Variants in MAP2K5 observed in about 807,000 individuals in gnomAD.
MAP2K5 encodes dual specificity mitogen-activated protein kinase kinase 5.
In MAP2K5, 49 loss-of-function variants were observed where a neutral mutation model predicts 83.1. That is an observed-to-expected ratio of 0.59 (90% confidence interval 0.47 to 0.75). The LOEUF is 0.75. Among genes scored for constraint, MAP2K5 ranks in the 30% least tolerant of loss-of-function variants. The pLI is 0.00. For synonymous variants in MAP2K5, 202 were observed against 191.8 expected, an observed-to-expected ratio of 1.05 and a Z score of -0.44; for missense variants, 457 against 557.5, an observed-to-expected ratio of 0.82 and a Z score of 1.82.
chr15:67,581,496 T>C (rs1415100216), intron 4 of MAP2K5, among the ~76,000 whole-genome samples: 2 of 152,216 alleles, frequency 1.3e-5, no homozygotes, highest in Non-Finnish European at 2.9e-5. Context: ...AGTTTAATTA[T>C]ATAAACCATT....
intron 2 of MAP2K5, among the ~76,000 whole-genome samples, chr15:67,554,844 T>G (rs556449879): frequency 6.6e-6 from 1 of 152,344 alleles, no homozygotes; most frequent in Non-Finnish European, 1.5e-5. Flanking sequence ...TTATAAAATG[T>G]ATATGGTCTA....
intron 21 of MAP2K5, among the ~76,000 whole-genome samples, chr15:67,773,371 C>T (rs1395989025): frequency 6.6e-6 from 1 of 152,144 alleles, no homozygotes; most frequent in Non-Finnish European, 1.5e-5. Flanking sequence ...TTTGACAATG[C>T]ACAAGCTGTT....
intron 17 of MAP2K5, among the ~76,000 whole-genome samples, chr15:67,730,422 T>G (rs946395460): frequency 6.6e-6 from 1 of 152,208 alleles, no homozygotes; most frequent in Admixed American, 6.5e-5. Context: ...CTGGTTTGGT[T>G]TCTTTGAATC....
intron 2 of MAP2K5, among the ~76,000 whole-genome samples, chr15:67,554,269 A>G (rs1374665385): frequency 2.0e-5 from 3 of 152,144 alleles, no homozygotes; most frequent in Non-Finnish European, 2.9e-5. Context: ...ATGTTGCCCA[A>G]CCTGGTCTTG....
At chr15:67,627,960 G>A (rs1314466665) in intron 8 of MAP2K5, 5 of 776,836 alleles carry the variant, frequency 6.4e-6, no homozygotes, top group Non-Finnish European at 1.1e-5. Flanking sequence ...TTTAAGCAAT[G>A]GGGAACACTC....
chr15:67,603,912 T>C (rs1030259831), intron 8 of MAP2K5, among the ~76,000 whole-genome samples: 1 of 152,228 alleles, frequency 6.6e-6, no homozygotes, highest in African/African-American at 2.4e-5. Flanking sequence ...AACTGCCTAA[T>C]AGGCTTATTC....
chr15:67,630,670 A>G (rs972278369), intron 8 of MAP2K5, among the ~76,000 whole-genome samples: 2 of 152,270 alleles, frequency 1.3e-5, no homozygotes, highest in African/African-American at 4.8e-5. Flanking sequence ...ATAATGTATC[A>G]GTATTACCTC....
intron 13 of MAP2K5, among the ~76,000 whole-genome samples, chr15:67,687,282 T>C (rs1039905417): frequency 3.9e-5 from 6 of 152,190 alleles, no homozygotes; most frequent in Admixed American, 3.3e-4. Flanking sequence ...GTTCAATAAG[T>C]CTGGAGTAGA....
intron 3 of MAP2K5, among the ~76,000 whole-genome samples, chr15:67,566,332 G>A (rs552930189): frequency 2.6e-5 from 4 of 152,050 alleles, no homozygotes; most frequent in East Asian, 1.9e-4. Context: ...CCGCCACCAC[G>A]CACGGCTAAT....
chr15:67,795,222 A>G (rs2090585114), intron 21 of MAP2K5, among the ~76,000 whole-genome samples: 1 of 152,060 alleles, frequency 6.6e-6, no homozygotes. Context: ...GATCATCTTC[A>G]TGACATCTTT....
chr15:67,563,257 C>A lies in MAP2K5; in HGVS notation c.185-26C>A. On this transcript the variant is annotated intron_variant, in intron 2 of 21. Transcript: ENST00000178640. The surrounding 1 kb of genome is among the most constrained non-coding windows in gnomAD (Gnocchi z 4.5). ...TGCATTAAACAAATGCACACCTTAT[C>A]ATTTGCATTATGTGCTTTTAAACAG... is the stretch of plus-strand genomic sequence containing the variant. 1 of 1,603,502 alleles carries A rather than the reference C, an allele frequency of 6.2e-7. No individual in the cohort carries two copies. The highest frequency in any genetic ancestry group is 2.2e-5 in the East Asian group (1 of 44,612).
intron 11 of MAP2K5, among the ~76,000 whole-genome samples, chr15:67,647,685 C>A (rs1271966663): frequency 9.9e-5 from 15 of 152,056 alleles, no homozygotes; most frequent in Non-Finnish European, 2.9e-5. Flanking sequence ...GCCTAACCAA[C>A]ATGGCGAAAA....
chr15:67,585,920 A>G lies in MAP2K5; in HGVS notation c.353A>G (p.His118Arg), dbSNP rs56241934. Residue 118 changes from histidine (H) to arginine (R), a missense_variant, in exon 5 of 22, where the codon CAT becomes CGT. By Grantham distance (29) the His-to-Arg change is conservative. Transcript: ENST00000178640. Reference sequence around the variant, plus strand: ...AAGCCTCCTGGGGAACGGAACATACATGGCCTGAAGGTACGAATTTCAATA... The same window carrying G: ...AAGCCTCCTGGGGAACGGAACATACGTGGCCTGAAGGTACGAATTTCAATA... ...ACKPPGERNIHGLKVNTRAGP... is the reference protein window; with the variant it reads ...ACKPPGERNIRGLKVNTRAGP... 11 of 1,613,858 alleles carry G rather than the reference A, an allele frequency of 6.8e-6. No individual in the cohort carries two copies. The highest frequency in any genetic ancestry group is 2.2e-5 in the East Asian group (1 of 44,864).
chr15:67,634,295 G>A (rs1324912048), intron 9 of MAP2K5, among the ~76,000 whole-genome samples: 1 of 143,362 alleles, frequency 7.0e-6, no homozygotes, highest in Non-Finnish European at 1.5e-5. Context: ...CTGAGCTGAG[G>A]AAGTTGAGAC....
At chr15:67,673,175 G>C (rs1310219332) in intron 13 of MAP2K5, among the ~76,000 whole-genome samples, 3 of 152,008 alleles carry the variant, frequency 2.0e-5, no homozygotes, top group African/African-American at 7.2e-5. Flanking sequence ...GAACTTTAAA[G>C]TAGTTTTTTC....
intron 11 of MAP2K5, among the ~76,000 whole-genome samples, chr15:67,654,292 A>G (rs1043417274): frequency 6.6e-6 from 1 of 152,150 alleles, no homozygotes; most frequent in Admixed American, 6.5e-5. Context: ...CTTTGTCTCT[A>G]GTAACAATAT....
intron 16 of MAP2K5, among the ~76,000 whole-genome samples, chr15:67,713,569 C>T (rs911741030): frequency 6.6e-6 from 1 of 152,204 alleles, no homozygotes; most frequent in African/African-American, 2.4e-5. Flanking sequence ...AACCCCGTCT[C>T]TACTAAAAAT....
In MAP2K5 at chr15:67,750,601, TA is replaced by T. The variant is rs1219634157; in HGVS notation, c.1134+2001del. Among the ~76,000 whole-genome samples, 1 of 152,188 alleles carries T rather than the reference TA, an allele frequency of 6.6e-6. No homozygotes were observed. The highest frequency in any genetic ancestry group is 1.5e-5 in the Non-Finnish European group (1 of 68,022). On this transcript the variant is annotated intron_variant, in intron 19 of 21. Coordinates refer to ENST00000178640, the MANE Select transcript of MAP2K5 (RefSeq NM_145160.3). The surrounding 1 kb of genome is among the most constrained non-coding windows in gnomAD (Gnocchi z 4.2). ...AATTCCTGAGCCCAGATCGCTGAAT[TA>T]GACTTTCTAGGGATCGTGCCTAGAA...
At chr15:67,787,169 C>T (rs560275414) in intron 21 of MAP2K5, among the ~76,000 whole-genome samples, 2 of 152,300 alleles carry the variant, frequency 1.3e-5, no homozygotes, top group Non-Finnish European at 2.9e-5. Flanking sequence ...TCCGCCTGCC[C>T]CTGGTGGGCC....
Sources: gnomAD v4.1 joint callset for allele counts (sites outside exome capture counted in the v4.1 genomes callset) on GRCh38, gnomAD v4.1.1 for gene constraint, Gnocchi (gnomAD v3.1) non-coding constraint, MANE v1.5 for transcripts, NCBI Gene and HGNC (gene_info 2026-07-23, HGNC 2026-07-21) for gene names.